DIS3: variants seen among roughly 807,000 people sequenced by gnomAD.
The protein encoded by DIS3 is DIS3 exosome endoribonuclease and 3'-5' exoribonuclease.
Under a neutral mutation model 113.0 loss-of-function variants are expected in DIS3, and 103 were observed. That is an observed-to-expected ratio of 0.91 (90% CI 0.78 to 1.07). DIS3 has a LOEUF of 1.07. Among genes scored for constraint, DIS3 ranks in the 50% least tolerant of loss-of-function variants. DIS3 has a pLI of 0.00. For missense variants in DIS3, 1,121 were observed against 1,167.1 expected (o/e 0.96, Z 0.58); for synonymous variants, 402 against 394.3 (o/e 1.02, Z -0.23).
chr13:72,781,406 C>A (rs1376922728), intron 1 of DIS3, 199 bp downstream of exon 1: 1 of 1,528,990 alleles, frequency 6.5e-7, no homozygotes, highest in African/African-American at 1.4e-5. Flanking sequence ...GTCTGAACTA[C>A]GACTCCAAGA....
In DIS3 at chr13:72,755,194, CT is replaced by C; in HGVS notation, c.*4600del. The C allele has an allele frequency of 6.2e-7, 1 of 1,613,506 alleles. No homozygotes were observed. ...AGGTGTTGGATGAAAACAGCAAGCCCTTTTCAATGCAGCAGTCCATAGAATG... is the reference window on the plus strand; with the variant it reads ...AGGTGTTGGATGAAAACAGCAAGCCCTTTCAATGCAGCAGTCCATAGAATG... On this transcript the variant is annotated 3_prime_UTR_variant, in exon 21 of 21. Transcript: ENST00000377767.
In DIS3 at chr13:72,770,957, G is replaced by A; in HGVS notation, c.1702C>T (p.His568Tyr). Residue 568 changes from histidine to tyrosine, a missense_variant, in exon 13 of 21, where the codon CAC (histidine) becomes TAC (tyrosine). Coordinates refer to ENST00000377767, the MANE Select transcript of DIS3 (RefSeq NM_014953.5). ...TTCGTTTTTAAGATTTCAGCATTGT[G>A]ATTCATTTCCCAAATACATGAAAAT... ...LAFSCIWEMN[H>Y]NAEILKTKFT... is the part of the protein sequence containing the mutation. The A allele has an allele frequency of 6.2e-7, 1 of 1,600,330 alleles. No individual in the cohort carries two copies. The highest frequency in any genetic ancestry group is 8.5e-7 in the Non-Finnish European group (1 of 1,172,532).
At chr13:72,771,168 C>T in intron 11 of DIS3, 23 bp from the exon 12 acceptor site, 1 of 1,594,678 alleles carries the variant, frequency 6.3e-7, no homozygotes, top group Admixed American at 1.7e-5. Context: ...AAAATAGAAC[C>T]ACAGATTACT....
Position 72,753,660 on chromosome 13 carries a change from A to G in DIS3, c.*6135T>C, listed in dbSNP as rs1396105322. The G allele has an allele frequency of 1.9e-6, 3 of 1,597,700 alleles. No homozygotes were observed. The South Asian group carries it at 3.4e-5, about 18-fold the overall frequency. ...AATATTTGACTTTTAAGTTCCTCAC[A>G]ATATATTTTTTTCTTTTTTCTCCTG... On this transcript the variant is annotated 3_prime_UTR_variant, in exon 21 of 21. Coordinates refer to ENST00000377767, the MANE Select transcript of DIS3 (RefSeq NM_014953.5).
chr13:72,780,919 C>T lies in DIS3; in HGVS notation c.313G>A (p.Val105Ile), dbSNP rs967179296. The change falls in exon 2 of 21, where the codon GTA becomes ATA. Residue 105 changes from valine (V) to isoleucine (I), a missense_variant. By Grantham distance (29) the Val-to-Ile change is conservative (BLOSUM62 3). Transcript: ENST00000377767. The stretch of plus-strand genomic sequence containing the variant: ...GTCACATCTCGGATGCGTTTATATA[C>T]GGGGGCACTGCGATTTCTCACTTCT... ...LQEVRNRSAP[V>I]YKRIRDVTNN... 30 of 1,612,986 alleles carry T rather than the reference C, an allele frequency of 1.9e-5. 1 individual carries two copies. The highest frequency in any genetic ancestry group is 1.6e-4 in the Middle Eastern group (1 of 6,080).
intron 16 of DIS3, among the ~76,000 whole-genome samples, 188 bp from the exon 17 acceptor site, chr13:72,762,325 G>A (rs570701099): frequency 3.3e-5 from 5 of 152,208 alleles, no homozygotes; most frequent in Admixed American, 2.0e-4. Flanking sequence ...AACAATGTTC[G>A]GATTCATCAA....
rs760162760 is a variant in DIS3 at position 72,763,459 on chromosome 13, T to C, written c.2119A>G (p.Arg707Gly). The change falls in exon 16 of 21, where the codon AGG (arginine) becomes GGG (glycine). Residue 707 changes from arginine (R) to glycine (G), a missense_variant. Arg to Gly is a moderately radical substitution (Grantham distance 125). Coordinates refer to ENST00000377767, the MANE Select transcript of DIS3 (RefSeq NM_014953.5). ...AAACTGTAGGACCTTACCCTTGACC[T>C]GGCTGCCTTAACAAGAATTTCATAA... ...SNYEILVKAA[R>G]SRNLEIKTDT... is the part of the protein sequence containing the mutation. 11 of 1,613,186 alleles carry C rather than the reference T, an allele frequency of 6.8e-6. No homozygotes were observed. The highest frequency in any genetic ancestry group is 9.3e-6 in the Non-Finnish European group (11 of 1,179,776).
chr13:72,777,949 A>G (rs1272910544), intron 3 of DIS3, among the ~76,000 whole-genome samples: 2 of 152,152 alleles, frequency 1.3e-5, no homozygotes, highest in Non-Finnish European at 2.9e-5. Context: ...GTTCCAGTAT[A>G]TTTATGAGAT....
rs1040395218 is a variant in DIS3, at chr13:72,756,001, T to C, written c.*3794A>G. On this transcript the variant is annotated 3_prime_UTR_variant, in exon 21 of 21. Coordinates refer to ENST00000377767, the MANE Select transcript of DIS3 (RefSeq NM_014953.5). Reference sequence around the variant, plus strand: ...GGGAGAGTGGAGTTCCCGTAGGGCATAGGCCTGTGAAGTAACACTGGGGCA... The same window carrying C: ...GGGAGAGTGGAGTTCCCGTAGGGCACAGGCCTGTGAAGTAACACTGGGGCA... 3 of 398,482 alleles carry C rather than the reference T, an allele frequency of 7.5e-6. No individual in the cohort carries two copies. Among genetic ancestry groups the C allele is most frequent in the Admixed American group, 4.4e-5 (1 of 22,712 alleles). The allele number at this position is 398,482 out of a possible 1,614,324, so 24.7% of individuals were successfully genotyped here.
chr13:72,760,419 C>T (rs780675113), intron 20 of DIS3, 110 bp downstream of exon 20: 56 of 1,368,326 alleles, frequency 4.1e-5, no homozygotes, highest in Non-Finnish European at 5.6e-5. Flanking sequence ...GGTTTCTACA[C>T]TACTTACAGG....
chr13:72,772,095 T>A (rs1379587733), intron 10 of DIS3, 64 bp downstream of exon 10: 10 of 1,413,372 alleles, frequency 7.1e-6, no homozygotes, highest in Middle Eastern at 1.8e-4. Flanking sequence ...TCTATTCTAG[T>A]TCAAAAGAAA....
intron 1 of DIS3, 73 bp downstream of exon 1, chr13:72,781,532 G>C: frequency 6.9e-7 from 1 of 1,453,450 alleles, no homozygotes; most frequent in Non-Finnish European, 9.1e-7. Context: ...CCGCCTCCCT[G>C]GGCCTCAGTT....
At position 72,753,156 on chromosome 13, in the gene DIS3, A is replaced by G. The variant is rs908798378; in HGVS notation, c.*6639T>C. 6.6e-6 allele frequency: 1 copy of G among 152,194 alleles called. No individual in the cohort carries two copies. Among genetic ancestry groups the G allele is most frequent in the African/African-American group, 2.4e-5 (1 of 41,406 alleles). 9.4% of individuals were successfully genotyped at this position (152,194 alleles called of 1,614,324 possible). A position where few individuals can be genotyped will look rare whatever the true frequency, so the allele number is the denominator to read the frequency against. On this transcript the variant is annotated 3_prime_UTR_variant, in exon 21 of 21. Coordinates refer to ENST00000377767, the MANE Select transcript of DIS3 (RefSeq NM_014953.5). ...GTTTCCAAGCTGGAAGTTCGCTAGAATCTTTCTTTTTTGCTCTTTTGCACT... is the reference window on the plus strand; with the variant it reads ...GTTTCCAAGCTGGAAGTTCGCTAGAGTCTTTCTTTTTTGCTCTTTTGCACT...
At chr13:72,779,348 C>A (rs2034098659) in intron 2 of DIS3, among the ~76,000 whole-genome samples, 1 of 152,060 alleles carries the variant, frequency 6.6e-6, no homozygotes, top group African/African-American at 2.4e-5. Flanking sequence ...GAACTCCTGG[C>A]CTCAAGTGAT....
At position 72,781,740 on chromosome 13, in the gene DIS3, G is replaced by C. The variant is rs2034242311; in HGVS notation, c.93C>G (p.Cys31Trp). ...CACACGCTGCGCACCCGGGCGCACC[G>C]CAGCCGATGTCGTCTCGCAGGTAGT... ...REHYLRDDIGCGAPGCAACGG... is the reference protein window; with the variant it reads ...REHYLRDDIGWGAPGCAACGG... The change falls in exon 1 of 21, where the codon TGC (cysteine) becomes TGG (tryptophan). Residue 31 changes from cysteine (C) to tryptophan (W), a missense_variant. Cys to Trp is a radical substitution (Grantham distance 215). Coordinates refer to ENST00000377767, the MANE Select transcript of DIS3 (RefSeq NM_014953.5). The C allele has an allele frequency of 6.3e-7, 1 of 1,592,344 alleles. No individual in the cohort carries two copies. The highest frequency in any genetic ancestry group is 1.1e-5 in the South Asian group (1 of 88,204).
In DIS3 at chr13:72,755,201, A is replaced by G. The variant is rs776644263; in HGVS notation, c.*4594T>C. 1.5e-5 allele frequency: 25 copies of G among 1,613,292 alleles called. 1 individual carries two copies. The highest frequency in any genetic ancestry group is 2.2e-5 in the South Asian group (2 of 91,084). On this transcript the variant is annotated 3_prime_UTR_variant, in exon 21 of 21. Coordinates refer to ENST00000377767, the MANE Select transcript of DIS3 (RefSeq NM_014953.5). Reference sequence around the variant, plus strand: ...GGATGAAAACAGCAAGCCCTTTTCAATGCAGCAGTCCATAGAATGCCTCTG... The same window carrying G: ...GGATGAAAACAGCAAGCCCTTTTCAGTGCAGCAGTCCATAGAATGCCTCTG...
At position 72,772,247 on chromosome 13, in the gene DIS3, T is replaced by C. The variant is rs2033902971; in HGVS notation, c.1415A>G (p.His472Arg). 1 of 1,612,996 alleles carries C rather than the reference T, an allele frequency of 6.2e-7. No homozygotes were observed. The highest frequency in any genetic ancestry group is 8.5e-7 in the Non-Finnish European group (1 of 1,179,844). ...TGGGTCTACACTACAAATACACAGA[T>C]GCCTCAGGTCTTCTCGGTTTTTCAT... The part of the protein sequence containing the change: ...KDMKNREDLR[H>R]LCICSVDPPG... Residue 472 changes from histidine (H) to arginine (R), a missense_variant, in exon 10 of 21, where the codon CAT becomes CGT. Physicochemically the swap from His to Arg is conservative, Grantham distance 29. Transcript: ENST00000377767.
intron 2 of DIS3, among the ~76,000 whole-genome samples, chr13:72,779,046 A>T (rs1252983811): frequency 6.6e-6 from 1 of 152,084 alleles, no homozygotes; most frequent in Non-Finnish European, 1.5e-5. Flanking sequence ...ATGGTAATAG[A>T]TTCAATTTAA....
In DIS3 at chr13:72,772,354, G is replaced by A. The variant is rs919666912; in HGVS notation, c.1387-79C>T. On this transcript the variant is annotated intron_variant, in intron 9 of 20. Coordinates refer to ENST00000377767, the MANE Select transcript of DIS3 (RefSeq NM_014953.5). Reference sequence around the variant, plus strand: ...CATATTAATAGCTCTTGTGAAATCAGTAATATGTATACAAAAACAATTTAG... The same window carrying A: ...CATATTAATAGCTCTTGTGAAATCAATAATATGTATACAAAAACAATTTAG... The A allele has an allele frequency of 1.5e-5, 17 of 1,097,928 alleles. No individual in the cohort carries two copies. In the African/African-American group the frequency reaches 2.5e-4, roughly 16 times the overall value. 68.0% of individuals were successfully genotyped at this position (1,097,928 alleles called of 1,614,324 possible).
Sources: gnomAD v4.1 joint callset for allele counts (sites outside exome capture counted in the v4.1 genomes callset) on GRCh38, gnomAD v4.1.1 for gene constraint, MANE v1.5 for transcripts, NCBI Gene and HGNC (gene_info 2026-07-23, HGNC 2026-07-21) for gene names.